Variants in PDE4B observed in about 807,000 individuals in gnomAD.
PDE4B encodes 3',5'-cyclic-AMP phosphodiesterase 4B.
Under a neutral mutation model 82.2 loss-of-function variants are expected in PDE4B, and 20 were observed. The observed-to-expected ratio is 0.24, with a 90% CI of 0.17 to 0.35. PDE4B has a LOEUF of 0.35. PDE4B is among the 10% of genes least tolerant of loss of function. The probability of loss-of-function intolerance (pLI) is 1.00; values close to 1 mark genes in which losing one functional copy is unlikely to be tolerated. For synonymous variants in PDE4B, 320 were observed against 318.9 expected (o/e 1.00, Z -0.04); for missense variants, 655 against 907.2 (o/e 0.72, Z 3.57).
chr1:66,159,879 T>C (rs1459905493), intron 3 of PDE4B, among the ~76,000 whole-genome samples: 4 of 152,208 alleles, frequency 2.6e-5, no homozygotes, highest in Non-Finnish European at 5.9e-5. Flanking sequence ...TTAAGTCTGT[T>C]ATCTTATTTG....
intron 3 of PDE4B, among the ~76,000 whole-genome samples, chr1:66,124,277 G>A (rs1415379366): frequency 6.6e-6 from 1 of 152,148 alleles, no homozygotes; most frequent in Non-Finnish European, 1.5e-5. Context: ...ATTTTCCTTT[G>A]TTAGTTCTGA....
chr1:65,792,980 C>CCG lies in PDE4B; in HGVS notation c.-329_-328dup, dbSNP rs1645588660. Among the ~76,000 whole-genome samples the CCG allele has an allele frequency of 6.6e-6, 1 of 151,612 alleles. No individual in the cohort carries two copies. Among genetic ancestry groups the CCG allele is most frequent in the Non-Finnish European group, 1.5e-5 (1 of 67,842 alleles). Reference sequence around the variant, plus strand: ...TCCCCAGGCTAGCCCGCTGGCCCGTCCGCGCGCGCGCCCCCGGCCCGCGCG... The same window carrying CCG: ...TCCCCAGGCTAGCCCGCTGGCCCGTCCGCGCGCGCGCGCCCCCGGCCCGCGCG... On this transcript the variant is annotated 5_prime_UTR_variant, in exon 1 of 17. Transcript: ENST00000341517.
intron 3 of PDE4B, among the ~76,000 whole-genome samples, chr1:65,998,237 A>T (rs1937444): frequency 6.6e-6 from 1 of 152,006 alleles, no homozygotes; most frequent in Non-Finnish European, 1.5e-5. Flanking sequence ...CAGAAAATAA[A>T]CAGCTGAGTT....
intron 7 of PDE4B, among the ~76,000 whole-genome samples, chr1:66,327,516 A>C (rs189257577): frequency 3.3e-4 from 51 of 152,342 alleles, no homozygotes; most frequent in African/African-American, 1.2e-3. Context: ...CATCTGTAAC[A>C]ATAAATGAGA....
intron 1 of PDE4B, among the ~76,000 whole-genome samples, chr1:65,797,715 C>T (rs1645647284): frequency 6.6e-6 from 1 of 152,136 alleles, no homozygotes; most frequent in Admixed American, 6.5e-5. Flanking sequence ...GGCAGGATTC[C>T]TGGTGCCAGT....
chr1:66,229,114 T>G (rs1651715506), intron 3 of PDE4B, among the ~76,000 whole-genome samples: 1 of 152,130 alleles, frequency 6.6e-6, no homozygotes, highest in Admixed American at 6.5e-5. Context: ...TTCACGCCAT[T>G]CTCCTGCCTC....
chr1:66,080,441 G>T (rs776475517), intron 3 of PDE4B, among the ~76,000 whole-genome samples: 1 of 152,042 alleles, frequency 6.6e-6, no homozygotes, highest in Admixed American at 6.6e-5. Context: ...GGGGAAAAAA[G>T]GGAAAAGAAG....
intron 3 of PDE4B, among the ~76,000 whole-genome samples, chr1:65,987,950 TA>T (rs1382592544): frequency 3.9e-5 from 6 of 152,228 alleles, no homozygotes; most frequent in Non-Finnish European, 7.3e-5. Context: ...ATGGGTATAA[TA>T]ATTTACAAAT....
chr1:66,328,541 CT>C (rs1338037057), intron 7 of PDE4B, among the ~76,000 whole-genome samples: 1 of 152,196 alleles, frequency 6.6e-6, no homozygotes, highest in East Asian at 1.9e-4. Context: ...TATCTTTGAA[CT>C]TGTGTTTTAT....
intron 1 of PDE4B, among the ~76,000 whole-genome samples, chr1:65,803,588 T>A (rs1237497328): frequency 1.3e-5 from 2 of 152,218 alleles, no homozygotes; most frequent in African/African-American, 4.8e-5. Context: ...ATTTCTTGAA[T>A]AATGCAACAT....
At chr1:66,064,467 G>C (rs1038276303) in intron 3 of PDE4B, among the ~76,000 whole-genome samples, 7 of 151,924 alleles carry the variant, frequency 4.6e-5, no homozygotes, top group Non-Finnish European at 1.0e-4. Flanking sequence ...AAAAAAAGGA[G>C]GCAGTCCAGA....
At chr1:66,273,368 C>A (rs1379324307) in intron 7 of PDE4B, among the ~76,000 whole-genome samples, 1 of 152,246 alleles carries the variant, frequency 6.6e-6, no homozygotes, top group East Asian at 1.9e-4. Context: ...TTATTTTTCA[C>A]ATTGTCACTG....
rs28793311 is a variant in PDE4B, at chr1:66,202,744, G to A, written c.282-44716G>A. Among the ~76,000 whole-genome samples, 8 of 151,288 alleles carry A rather than the reference G, an allele frequency of 5.3e-5. No individual in the cohort carries two copies. The East Asian group carries it at 5.8e-4, about 11-fold the overall frequency. Reference sequence around the variant, plus strand: ...TTTATTTTGAGTCTACGTGTGTCTCGGCACGTGAGATGGGTTTCCTGAATA... The same window carrying A: ...TTTATTTTGAGTCTACGTGTGTCTCAGCACGTGAGATGGGTTTCCTGAATA... On this transcript the variant is annotated intron_variant, in intron 3 of 16. Transcript: ENST00000341517.
intron 3 of PDE4B, among the ~76,000 whole-genome samples, chr1:65,923,362 ATCT>A (rs1422060646): frequency 6.6e-6 from 1 of 152,218 alleles, no homozygotes. Context: ...TATAACTTTA[ATCT>A]TCTTACATGA....
intron 3 of PDE4B, among the ~76,000 whole-genome samples, chr1:65,922,408 T>C (rs905024176): frequency 6.6e-6 from 1 of 152,158 alleles, no homozygotes; most frequent in Non-Finnish European, 1.5e-5. Context: ...GAAACTTAGC[T>C]CCTGAGTTCT....
chr1:65,824,783 T>C (rs938902217), intron 1 of PDE4B, among the ~76,000 whole-genome samples: 1 of 152,186 alleles, frequency 6.6e-6, no homozygotes, highest in African/African-American at 2.4e-5. Context: ...CTTTGTGTGA[T>C]TGATGCTGAA....
chr1:66,120,775 A>T (rs150444654), intron 3 of PDE4B, among the ~76,000 whole-genome samples: 4 of 152,014 alleles, frequency 2.6e-5, no homozygotes, highest in African/African-American at 9.7e-5. Context: ...ACCAGCTCCA[A>T]TTCTGGCTTC....
At chr1:65,838,484 C>CGTATATGTAT (rs1646166960) in intron 1 of PDE4B, among the ~76,000 whole-genome samples, 2 of 146,442 alleles carry the variant, frequency 1.4e-5, no homozygotes, top group Non-Finnish European at 3.0e-5. Context: ...TATATATATA[C>CGTATATGTAT]GTATATGTAT....
chr1:66,094,541 A>C (rs574683835), intron 3 of PDE4B: 3 of 152,146 alleles, frequency 2.0e-5, no homozygotes, highest in East Asian at 3.9e-4. Context: ...GCTACTGTGC[A>C]AAGCTGATTT....
Sources: gnomAD v4.1 joint callset for allele counts (sites outside exome capture counted in the v4.1 genomes callset) on GRCh38, gnomAD v4.1.1 for gene constraint, MANE v1.5 for transcripts, NCBI Gene and HGNC (gene_info 2026-07-23, HGNC 2026-07-21) for gene names.